Variants in FHIT observed in about 807,000 individuals in gnomAD.
FHIT encodes the protein fragile histidine triad diadenosine triphosphatase.
Under a neutral mutation model 17.9 loss-of-function variants are expected in FHIT, and 19 were observed. The ratio of observed to expected loss-of-function variants is 1.06; its 90% confidence interval spans 0.74 to 1.56. The LOEUF (loss-of-function observed/expected upper bound fraction) is 1.56, where lower values mean the gene tolerates loss of function less well. Among genes scored for constraint, FHIT ranks in the 40% most tolerant of loss-of-function variants. The pLI is 0.00. For synonymous variants in FHIT, 81 were observed against 69.7 expected, an observed-to-expected ratio of 1.16 and a Z score of -0.81; for missense variants, 248 against 189.2, an observed-to-expected ratio of 1.31 and a Z score of -1.82.
chr3:60,124,396 T>C (rs2178928), intron 5 of FHIT, among the ~76,000 whole-genome samples: 11 of 151,996 alleles, frequency 7.2e-5, no homozygotes, highest in Non-Finnish European at 1.3e-4. Context: ...CAAAAAAAAA[T>C]ACTTGAATCT....
intron 5 of FHIT, among the ~76,000 whole-genome samples, chr3:60,378,547 A>G (rs1221716760): frequency 2.0e-5 from 3 of 152,204 alleles, no homozygotes; most frequent in Admixed American, 2.0e-4. Context: ...TGGTATTTCA[A>G]AGATAATGTG....
chr3:61,091,424 A>G (rs2035477238), intron 2 of FHIT, among the ~76,000 whole-genome samples: 2 of 152,164 alleles, frequency 1.3e-5, no homozygotes, highest in Non-Finnish European at 2.9e-5. Context: ...TATCTACCTC[A>G]TAAGATTAAA....
intron 5 of FHIT, chr3:60,080,876 T>C (rs561308851): frequency 2.0e-5 from 3 of 152,282 alleles, no homozygotes; most frequent in Admixed American, 2.0e-4. Context: ...AATAGATGAC[T>C]GTTCTTGTGA....
At chr3:60,502,644 G>A (rs2034569457) in intron 5 of FHIT, among the ~76,000 whole-genome samples, 3 of 152,240 alleles carry the variant, frequency 2.0e-5, no homozygotes, top group East Asian at 3.9e-4. Context: ...TGCCTACCAT[G>A]TACCAGACAT....
chr3:60,727,654 T>C (rs2041943856), intron 4 of FHIT, among the ~76,000 whole-genome samples: 1 of 152,258 alleles, frequency 6.6e-6, no homozygotes, highest in Non-Finnish European at 1.5e-5. Context: ...ATTATCCAAA[T>C]GTATTTTATC....
At chr3:61,250,895 G>A (rs2040607228) in intron 1 of FHIT, among the ~76,000 whole-genome samples, 1 of 152,182 alleles carries the variant, frequency 6.6e-6, no homozygotes, top group African/African-American at 2.4e-5. Context: ...CCCCTTAGGG[G>A]AATCCAGAGC....
intron 2 of FHIT, among the ~76,000 whole-genome samples, chr3:61,113,302 G>A (rs1285767743): frequency 6.6e-6 from 1 of 152,124 alleles, no homozygotes; most frequent in African/African-American, 2.4e-5. Context: ...GAGCCACCAT[G>A]TCTGGCATCT....
intron 3 of FHIT, among the ~76,000 whole-genome samples, chr3:60,854,667 G>A (rs1207439743): frequency 1.3e-5 from 2 of 151,922 alleles, no homozygotes; most frequent in Non-Finnish European, 2.9e-5. Context: ...AGAAGAGGGG[G>A]AAAGGCAAAG....
chr3:60,027,814 A>G (rs537097399), intron 5 of FHIT, among the ~76,000 whole-genome samples: 175 of 152,176 alleles, frequency 1.1e-3, no homozygotes, highest in African/African-American at 4.1e-3. Context: ...TTTAGCTAAC[A>G]TAGATCACTG....
chr3:60,742,879 T>A (rs78141326), intron 4 of FHIT, among the ~76,000 whole-genome samples: 2,884 of 152,316 alleles, frequency 0.019, 97 homozygotes, highest in African/African-American at 0.064. Context: ...CATAAAGAGA[T>A]GGAGATGGAA....
intron 4 of FHIT, among the ~76,000 whole-genome samples, chr3:60,783,511 C>T (rs782269204): frequency 7.2e-5 from 11 of 152,008 alleles, no homozygotes; most frequent in Admixed American, 1.3e-4. Context: ...TTGATGAGGC[C>T]CTGGTTTACT....
chr3:61,173,048 A>C (rs748978345), intron 2 of FHIT, among the ~76,000 whole-genome samples: 1 of 152,190 alleles, frequency 6.6e-6, no homozygotes, highest in African/African-American at 2.4e-5. Flanking sequence ...ACAGGGCCAG[A>C]TGTTGCCATG....
chr3:59,821,826 TG>T (rs1488002541), intron 8 of FHIT, among the ~76,000 whole-genome samples: 8 of 152,180 alleles, frequency 5.3e-5, no homozygotes, highest in Admixed American at 1.3e-4. Flanking sequence ...CATAGGTTTT[TG>T]GGGGAACAAG....
chr3:60,069,756 A>G (rs1702683522), intron 5 of FHIT, among the ~76,000 whole-genome samples: 2 of 152,188 alleles, frequency 1.3e-5, no homozygotes, highest in South Asian at 4.1e-4. Flanking sequence ...CCATCAATCA[A>G]CTGAAGTTCC....
At chr3:60,950,370 C>A (rs2107455219) in intron 3 of FHIT, among the ~76,000 whole-genome samples, 1 of 152,296 alleles carries the variant, frequency 6.6e-6, no homozygotes, top group African/African-American at 2.4e-5. Context: ...GACAAACATT[C>A]ATTGGTCAGC....
At chr3:60,037,801 C>T (rs1157615135) in intron 5 of FHIT, among the ~76,000 whole-genome samples, 4 of 151,774 alleles carry the variant, frequency 2.6e-5, no homozygotes, top group African/African-American at 4.8e-5. Flanking sequence ...GCAACCTCTG[C>T]CTCCCGGGTT....
chr3:59,757,846 G>A (rs1277572596), intron 8 of FHIT, among the ~76,000 whole-genome samples: 3 of 152,058 alleles, frequency 2.0e-5, no homozygotes, highest in Admixed American at 6.6e-5. Flanking sequence ...TAACTGTATT[G>A]TTTTTTTAGA....
At chr3:59,861,574 C>T (rs1193151343) in intron 8 of FHIT, among the ~76,000 whole-genome samples, 2 of 152,162 alleles carry the variant, frequency 1.3e-5, no homozygotes, top group Non-Finnish European at 2.9e-5. Context: ...AAAATATTCC[C>T]TCCTTGATAA....
At chr3:61,108,956 A>C (rs1419906991) in intron 2 of FHIT, among the ~76,000 whole-genome samples, 1 of 152,224 alleles carries the variant, frequency 6.6e-6, no homozygotes, top group African/African-American at 2.4e-5. Flanking sequence ...AAGTTAGCCT[A>C]AAAGACTAAA....
Sources: gnomAD v4.1 joint callset for allele counts (sites outside exome capture counted in the v4.1 genomes callset) on GRCh38, gnomAD v4.1.1 for gene constraint, MANE v1.5 for transcripts, NCBI Gene and HGNC (gene_info 2026-07-23, HGNC 2026-07-21) for gene names.